The following IARS2 variants were observed in gnomAD, a reference collection of about 807,000 sequenced individuals.
The protein encoded by IARS2 is isoleucine--tRNA ligase, mitochondrial.
IARS2 carries 56 observed loss-of-function variants against 126.3 expected under a neutral mutation model. The observed-to-expected ratio is 0.44, with a 90% CI of 0.36 to 0.55. The LOEUF is 0.55. Ranked by LOEUF, IARS2 falls within the 20% of genes least tolerant of loss-of-function variation. The pLI is 0.00. For missense variants in IARS2, 1,127 were observed against 1,245.9 expected, an observed-to-expected ratio of 0.90 and a Z score of 1.44; for synonymous variants, 407 against 441.1, an observed-to-expected ratio of 0.92 and a Z score of 0.97.
chr1:220,121,912 CGA>C (rs1197640403), intron 12 of IARS2, among the ~76,000 whole-genome samples: 1 of 151,962 alleles, frequency 6.6e-6, no homozygotes, highest in Non-Finnish European at 1.5e-5. Flanking sequence ...AGCAACAAAG[CGA>C]GATTCCCATC....
At position 220,110,723 on chromosome 1, in the gene IARS2, G is replaced by A. The variant is rs531627629; in HGVS notation, c.1328-63G>A. ...ATTTAGTATTTTCTGGAAGTTTAGA[G>A]CATTTTTAGGATTTTCACAGTACTT... On this transcript the variant is annotated intron_variant, in intron 10 of 22. Transcript: ENST00000366922. 6.1e-5 allele frequency: 79 copies of A among 1,292,522 alleles called. No homozygotes were observed. In the South Asian group the frequency reaches 6.9e-4, roughly 11 times the overall value. The allele number at this position is 1,292,522 out of a possible 1,614,324, so 80.1% of individuals were successfully genotyped here. A position where few individuals can be genotyped will look rare whatever the true frequency, so the allele number is the denominator to read the frequency against.
At chr1:220,137,520 CCTGTAA>C (rs1325949542) in intron 16 of IARS2, 1 of 160,730 alleles carries the variant, frequency 6.2e-6, no homozygotes, top group African/African-American at 2.4e-5. Context: ...CGCCTAACAT[CCTGTAA>C]CCGTTCATTG....
intron 2 of IARS2, among the ~76,000 whole-genome samples, chr1:220,099,954 T>C (rs1343377007): frequency 6.6e-6 from 1 of 152,158 alleles, no homozygotes; most frequent in Admixed American, 6.6e-5. Context: ...AGGAAATTGT[T>C]TTCTGGACTA....
chr1:220,117,730 C>A, intron 12 of IARS2: 1 of 415,520 alleles, frequency 2.4e-6, no homozygotes, highest in African/African-American at 2.1e-5. Context: ...GTCAGAAAAA[C>A]ACAAGTTTTC....
Position 220,107,148 on chromosome 1 carries a change from G to A in IARS2, c.1324G>A (p.Val442Met). The stretch of plus-strand genomic sequence containing the variant: ...GGCTGTCCTTGAAGAGGGAACTGAT[G>A]TGGGTGAGCATCATATCTGTTGATA... ...NKAVLEEGTDVVIKMLQTAKN... is the reference protein window; with the variant it reads ...NKAVLEEGTDMVIKMLQTAKN... Residue 442 changes from valine (V) to methionine (M), a missense_variant, in exon 10 of 23, where the codon GTG (valine) becomes ATG (methionine). By Grantham distance (21) the Val-to-Met change is conservative. Transcript: ENST00000366922. 1 of 1,605,444 alleles carries A rather than the reference G, an allele frequency of 6.2e-7. No individual in the cohort carries two copies. The highest frequency in any genetic ancestry group is 8.5e-7 in the Non-Finnish European group (1 of 1,172,080).
At chr1:220,122,240 CTG>C (rs1236143223) in intron 12 of IARS2, among the ~76,000 whole-genome samples, 1 of 152,078 alleles carries the variant, frequency 6.6e-6, no homozygotes, top group Non-Finnish European at 1.5e-5. Context: ...TTTATAGAAA[CTG>C]AAACTCAAAA....
chr1:220,101,999 A>G (rs560210242), intron 3 of IARS2, 130 bp from the exon 4 acceptor site: 1 of 793,446 alleles, frequency 1.3e-6, no homozygotes, highest in African/African-American at 1.8e-5. Context: ...TGACAGCGAG[A>G]CTGTGTCTCA....
intron 15 of IARS2, 155 bp downstream of exon 15, chr1:220,134,665 A>C (rs921082175): frequency 4.7e-5 from 20 of 428,186 alleles, no homozygotes; most frequent in Non-Finnish European, 7.9e-5. Flanking sequence ...AGGAGACAAC[A>C]CCAAGGTGTC....
intron 12 of IARS2, among the ~76,000 whole-genome samples, chr1:220,124,848 G>T (rs1274585626): frequency 6.6e-6 from 1 of 152,232 alleles, no homozygotes; most frequent in East Asian, 1.9e-4. Context: ...GATTGCATCA[G>T]TTTAGTTTTG....
chr1:220,142,081 C>A, intron 20 of IARS2, 133 bp downstream of exon 20: 1 of 826,800 alleles, frequency 1.2e-6, no homozygotes, highest in Non-Finnish European at 1.9e-6. Context: ...GTGTCTTGGT[C>A]ATGTATTTGT....
rs575729552 is a variant in IARS2, at chr1:220,110,915, C to T, written c.1457C>T (p.Thr486Met). The T allele has an allele frequency of 1.7e-5, 28 of 1,612,792 alleles. No homozygotes were observed. In the Admixed American group the frequency reaches 1.8e-4, roughly 11 times the overall value. The change falls in exon 11 of 23, where the codon ACG (threonine) becomes ATG (methionine). Residue 486 changes from threonine (T) to methionine (M), a missense_variant. Physicochemically the swap from Thr to Met is moderately conservative, Grantham distance 81. Coordinates refer to ENST00000366922, the MANE Select transcript of IARS2 (RefSeq NM_018060.4). ...RASKQWFINI[T>M]DIKTAAKELL... is the part of the protein sequence containing the mutation. ...AGCAAGCAGTGGTTTATAAACATCA[C>T]GGATATTAAGACTGCAGCCAAGGTA...
chr1:220,138,633 C>G (rs1421848841), intron 17 of IARS2, among the ~76,000 whole-genome samples: 1 of 151,558 alleles, frequency 6.6e-6, no homozygotes, highest in East Asian at 1.9e-4. Context: ...CTTTTATGTA[C>G]TCAATAACCT....
At chr1:220,142,625 A>T (rs1034874686) in intron 20 of IARS2, among the ~76,000 whole-genome samples, 6 of 152,196 alleles carry the variant, frequency 3.9e-5, no homozygotes, top group Non-Finnish European at 8.8e-5. Context: ...ATAGAAGTGT[A>T]GGAAGAGGGG....
At chr1:220,138,358 C>G (rs1254665126) in intron 17 of IARS2, among the ~76,000 whole-genome samples, 1 of 152,094 alleles carries the variant, frequency 6.6e-6, no homozygotes, top group Non-Finnish European at 1.5e-5. Context: ...GTAGTCCCAG[C>G]TGTTCGGGAG....
chr1:220,137,790 C>T (rs1657408628), intron 16 of IARS2, 128 bp from the exon 17 acceptor site: 4 of 911,518 alleles, frequency 4.4e-6, no homozygotes, highest in Non-Finnish European at 6.6e-6. Context: ...CATTTCATTA[C>T]AGTGCTAGTA....
At chr1:220,116,086 G>A (rs958289952) in intron 12 of IARS2, among the ~76,000 whole-genome samples, 4 of 152,116 alleles carry the variant, frequency 2.6e-5, no homozygotes, top group Non-Finnish European at 4.4e-5. Context: ...GTGTGGGCCT[G>A]TAGTCCCAGC....
At chr1:220,109,029 T>G (rs1656745787) in intron 10 of IARS2, among the ~76,000 whole-genome samples, 1 of 152,090 alleles carries the variant, frequency 6.6e-6, no homozygotes, top group Non-Finnish European at 1.5e-5. Flanking sequence ...TGCTGCAGGA[T>G]GTACACCTGA....
chr1:220,096,463 G>A (rs1453096360), intron 2 of IARS2, among the ~76,000 whole-genome samples: 5 of 152,228 alleles, frequency 3.3e-5, no homozygotes, highest in Non-Finnish European at 5.9e-5. Flanking sequence ...ATTATCGGGC[G>A]AGGCATTGTT....
chr1:220,147,250 A>T (rs1657617861), intron 22 of IARS2, among the ~76,000 whole-genome samples: 1 of 141,006 alleles, frequency 7.1e-6, no homozygotes, highest in South Asian at 2.3e-4. Flanking sequence ...GAACTCGGTG[A>T]CTTGGGAGAT....
Sources: gnomAD v4.1 joint callset for allele counts (sites outside exome capture counted in the v4.1 genomes callset) on GRCh38, gnomAD v4.1.1 for gene constraint, MANE v1.5 for transcripts, NCBI Gene and HGNC (gene_info 2026-07-23, HGNC 2026-07-21) for gene names.